ANKRD36C: variants seen among roughly 807,000 people sequenced by gnomAD.
The protein encoded by ANKRD36C is ankyrin repeat domain-containing protein 36C.
ANKRD36C carries 61 observed loss-of-function variants against 276.4 expected under a neutral mutation model. The observed-to-expected ratio is 0.22, with a 90% CI of 0.18 to 0.27. The LOEUF (loss-of-function observed/expected upper bound fraction) is 0.27. Among genes scored for constraint, ANKRD36C ranks in the 10% least tolerant of loss-of-function variants. The pLI, the probability that ANKRD36C is intolerant of heterozygous loss-of-function variation, is 1.00. For missense variants in ANKRD36C, 1,447 were observed against 2,032.3 expected (o/e 0.71, Z 5.54); for synonymous variants, 483 against 680.1 (o/e 0.71, Z 4.51).
intron 34 of ANKRD36C, among the ~76,000 whole-genome samples, chr2:95,919,155 T>C (rs1466551880): frequency 2.2e-5 from 3 of 135,600 alleles, no homozygotes; most frequent in African/African-American, 7.5e-5. Context: ...AAATATTTTT[T>C]AAGCACATAT....
intron 48 of ANKRD36C, 55 bp downstream of exon 68, chr2:95,889,744 A>T (rs1249238312): frequency 1.6e-5 from 24 of 1,535,796 alleles, no homozygotes; most frequent in Non-Finnish European, 2.0e-5. Flanking sequence ...TTTGGTGAAG[A>T]GAAGATCTCT....
chr2:95,966,568 T>C (rs530286392), intron 6 of ANKRD36C, among the ~76,000 whole-genome samples: 41 of 152,194 alleles, frequency 2.7e-4, no homozygotes, highest in Non-Finnish European at 5.4e-4. Context: ...TACTGTAGCC[T>C]TGTAGTATAT....
intron 44 of ANKRD36C, 139 bp from the exon 65 acceptor site, chr2:95,891,999 G>C (rs568860183): frequency 5.0e-6 from 7 of 1,413,730 alleles, no homozygotes; most frequent in Non-Finnish European, 6.8e-6. Flanking sequence ...TTGTGTCTGA[G>C]GACTAGAACA....
intron 7 of ANKRD36C, 38 bp downstream of exon 7, chr2:95,962,481 T>C (rs747240501): frequency 1.9e-6 from 3 of 1,595,610 alleles, no homozygotes; most frequent in Non-Finnish European, 2.6e-6. Flanking sequence ...ACAGACTATA[T>C]AGTTAATAGT....
intron 1 of ANKRD36C, among the ~76,000 whole-genome samples, chr2:95,988,326 A>G (rs192037860): frequency 6.4e-4 from 97 of 152,180 alleles, no homozygotes; most frequent in Non-Finnish European, 1.1e-3. Flanking sequence ...AGTATTTGAG[A>G]CTGTCATAAG....
chr2:95,923,244 T>C (rs1324234195), intron 32 of ANKRD36C, among the ~76,000 whole-genome samples: 1 of 151,634 alleles, frequency 6.6e-6, no homozygotes, highest in Non-Finnish European at 1.5e-5. Context: ...CTGAGCCCCT[T>C]ATGTCTTGAT....
chr2:95,902,805 G>A (rs1558633350), intron 42 of ANKRD36C, 81 bp downstream of exon 54: 2 of 1,438,182 alleles, frequency 1.4e-6, no homozygotes, highest in South Asian at 1.3e-5. Context: ...GCTTCAACGA[G>A]CCCCCCGCTG....
chr2:95,884,916 A>C (rs1046653433), intron 52 of ANKRD36C, among the ~76,000 whole-genome samples: 20 of 151,978 alleles, frequency 1.3e-4, no homozygotes, highest in Non-Finnish European at 2.8e-4. Context: ...CTGTTTGCTG[A>C]AACTGAGTAG....
chr2:95,879,559 C>T (rs1676029761), intron 58 of ANKRD36C, among the ~76,000 whole-genome samples: 1 of 151,814 alleles, frequency 6.6e-6, no homozygotes. Context: ...CTCATCTACT[C>T]CATAAACATA....
intron 59 of ANKRD36C, among the ~76,000 whole-genome samples, chr2:95,872,836 T>C (rs1406913398): frequency 6.6e-6 from 1 of 151,836 alleles, no homozygotes; most frequent in Non-Finnish European, 1.5e-5. Context: ...AAAGGGGATA[T>C]CACCACCGAT....
chr2:95,950,237 T>C, intron 16 of ANKRD36C, among the ~76,000 whole-genome samples: 1 of 152,306 alleles, frequency 6.6e-6, no homozygotes, highest in Non-Finnish European at 1.5e-5. Flanking sequence ...AGATAACTGA[T>C]AACTGCCTTT....
intron 42 of ANKRD36C, 145 bp from the exon 45 acceptor site, chr2:95,910,713 G>T: frequency 1.4e-6 from 2 of 1,441,922 alleles, no homozygotes; most frequent in South Asian, 1.2e-5. Flanking sequence ...CTGGGGACTA[G>T]AACATGACAG....
intron 59 of ANKRD36C, among the ~76,000 whole-genome samples, chr2:95,872,647 G>T (rs1453475509): frequency 6.6e-6 from 1 of 151,622 alleles, no homozygotes; most frequent in East Asian, 1.9e-4. Flanking sequence ...GCTAGCAGAA[G>T]GCAAGAAATA....
chr2:95,931,141 C>A (rs556217260), intron 24 of ANKRD36C, among the ~76,000 whole-genome samples: 1 of 151,836 alleles, frequency 6.6e-6, no homozygotes, highest in East Asian at 1.9e-4. Context: ...TGTATTGTGA[C>A]ATCTGTACAA....
intron 17 of ANKRD36C, among the ~76,000 whole-genome samples, chr2:95,946,874 C>T (rs1213935661): frequency 7.0e-6 from 1 of 143,626 alleles, no homozygotes; most frequent in Non-Finnish European, 1.5e-5. Flanking sequence ...CACATGGATA[C>T]AGGAAGGGGA....
chr2:95,887,163 C>G (rs2463567), intron 50 of ANKRD36C, among the ~76,000 whole-genome samples: 7 of 151,704 alleles, frequency 4.6e-5, no homozygotes, highest in South Asian at 2.1e-4. Flanking sequence ...CCAAGAGTCA[C>G]CTCTTTGATC....
intron 1 of ANKRD36C, among the ~76,000 whole-genome samples, chr2:95,987,927 ATTCTC>A (rs1558666162): frequency 6.6e-6 from 1 of 152,012 alleles, no homozygotes; most frequent in African/African-American, 2.4e-5. Flanking sequence ...ATAAGCTACT[ATTCTC>A]TTATATATTA....
At chr2:95,969,804 C>T (rs1573811533) in intron 6 of ANKRD36C, among the ~76,000 whole-genome samples, 1 of 152,224 alleles carries the variant, frequency 6.6e-6, no homozygotes. Context: ...ATTTTGTGAG[C>T]TCACATTCAC....
At chr2:95,919,625 G>A (rs1677210571) in intron 34 of ANKRD36C, 108 bp downstream of exon 36, 1 of 565,688 alleles carries the variant, frequency 1.8e-6, no homozygotes, top group African/African-American at 2.1e-5. Flanking sequence ...GAATCAGAAT[G>A]TGCAGCTTCG....
Sources: allele counts gnomAD v4.1 joint callset (sites outside exome capture counted in the v4.1 genomes callset), GRCh38; gene constraint gnomAD v4.1.1; transcripts MANE v1.5; gene names NCBI Gene and HGNC (gene_info 2026-07-23, HGNC 2026-07-21).